MN1: variants seen among roughly 807,000 people sequenced by gnomAD.
MN1 encodes the protein MN1 proto-oncogene, transcriptional regulator.
A neutral mutation model predicts 86.9 loss-of-function variants in MN1; 19 were observed. The ratio of observed to expected loss-of-function variants is 0.22; its 90% confidence interval spans 0.15 to 0.32. MN1 has a LOEUF of 0.32. MN1 is among the 10% of genes least tolerant of loss of function. The pLI, the probability that MN1 is intolerant of heterozygous loss-of-function variation, is 1.00. For synonymous variants in MN1, 928 were observed against 849.6 expected, an observed-to-expected ratio of 1.09 and a Z score of -1.60; for missense variants, 1,841 against 1,862.0, an observed-to-expected ratio of 0.99 and a Z score of 0.21.
Position 27,797,978 on chromosome 22 carries a change from C to G in MN1, c.2566G>C (p.Gly856Arg). 6.3e-7 allele frequency: 1 copy of G among 1,592,570 alleles called. No homozygotes were observed. The highest frequency in any genetic ancestry group is 8.5e-7 in the Non-Finnish European group (1 of 1,170,934). Residue 856 changes from glycine to arginine, a missense_variant, in exon 1 of 2, where the codon GGC (glycine) becomes CGC (arginine). Gly to Arg is a moderately radical substitution (Grantham distance 125). Coordinates refer to ENST00000302326, the MANE Select transcript of MN1 (RefSeq NM_002430.3). ...VTFNKKNPPEGKRKLSQNETD... is the reference protein window; with the variant it reads ...VTFNKKNPPERKRKLSQNETD... The stretch of plus-strand genomic sequence containing the variant: ...TCGTTCTGGCTCAGTTTCCTCTTGC[C>G]CTCTGGCGGGTTCTTCTTGTTGAAG...
Position 27,776,658 on chromosome 22 carries a change from G to GT in MN1, c.3781+20104dup, listed in dbSNP as rs922457388. On this transcript the variant is annotated intron_variant, in intron 1 of 1. Coordinates refer to ENST00000302326, the MANE Select transcript of MN1 (RefSeq NM_002430.3). ...GGTTCTGGCCTCCCCACTTTTTGAG[G>GT]TTTTTTTTTTCCTCCCCTAGCCCCA... Among the ~76,000 whole-genome samples, 236 of 148,862 alleles carry GT rather than the reference G, an allele frequency of 1.6e-3. 1 individual carries two copies. The highest frequency in any genetic ancestry group is 4.7e-3 in the African/African-American group (190 of 40,654).
intron 1 of MN1, chr22:27,791,866 C>T (rs2146312406): frequency 6.6e-6 from 1 of 152,338 alleles, no homozygotes; most frequent in South Asian, 2.1e-4. Context: ...GATTCTGCTA[C>T]ATTTTCCAGC....
intron 1 of MN1, among the ~76,000 whole-genome samples, chr22:27,783,685 G>A (rs752880355): frequency 6.6e-6 from 1 of 152,052 alleles, no homozygotes; most frequent in South Asian, 2.1e-4. Context: ...TAGGGGAGGG[G>A]CACAAAAAAC....
intron 1 of MN1, among the ~76,000 whole-genome samples, chr22:27,773,465 T>C (rs1045683685): frequency 6.6e-6 from 1 of 152,186 alleles, no homozygotes; most frequent in African/African-American, 2.4e-5. Flanking sequence ...GCCCGAGTCA[T>C]GGGAGTGCAC....
Position 27,751,115 on chromosome 22 carries a change from G to T in MN1, c.3782-19C>A, listed in dbSNP as rs1025095538. On this transcript the variant is annotated intron_variant, in intron 1 of 1. Transcript: ENST00000302326. ...TCGTGGGCTGTGGAGAGAGAAGGAA[G>T]AGAGGACATTAGTGGCACACTCGTC... The T allele has an allele frequency of 1.3e-6, 2 of 1,538,056 alleles. No individual in the cohort carries two copies. The highest frequency in any genetic ancestry group is 1.8e-6 in the Non-Finnish European group (2 of 1,138,680).
chr22:27,790,669 A>G (rs1362674082), intron 1 of MN1, among the ~76,000 whole-genome samples: 1 of 137,588 alleles, frequency 7.3e-6, no homozygotes, highest in Non-Finnish European at 1.6e-5. Context: ...TCCGCTTCCC[A>G]CAACTGGTGG....
rs1228039767 is a variant in MN1 at position 27,797,424 on chromosome 22, G to A, written c.3120C>T (p.Asn1040=). Reference sequence around the variant, plus strand: ...CCTCGTCCGAGGCGAACTCACCCACGTTTGGCGAACTACTGTCCGACTTGG... The same window carrying A: ...CCTCGTCCGAGGCGAACTCACCCACATTTGGCGAACTACTGTCCGACTTGG... ...GGAKSDSSSP[N]VGEFASDEVS... is the part of the protein sequence containing the mutation. The change falls in exon 1 of 2, where the codon AAC becomes AAT. Residue 1040 remains asparagine, a synonymous_variant. Coordinates refer to ENST00000302326, the MANE Select transcript of MN1 (RefSeq NM_002430.3). The A allele has an allele frequency of 2.5e-6, 4 of 1,610,772 alleles. No individual in the cohort carries two copies. The South Asian group carries it at 4.4e-5, about 18-fold the overall frequency.
chr22:27,762,602 C>T (rs535605558), intron 1 of MN1, among the ~76,000 whole-genome samples: 107 of 152,108 alleles, frequency 7.0e-4, no homozygotes, highest in Non-Finnish European at 1.2e-3. Context: ...GCCTTCTTGC[C>T]CAAGATTCAC....
At position 27,800,565 on chromosome 22, in the gene MN1, G is replaced by T. The variant is rs768848777; in HGVS notation, c.-22C>A. 15 of 1,613,432 alleles carry T rather than the reference G, an allele frequency of 9.3e-6. No individual in the cohort carries two copies. Among genetic ancestry groups the T allele is most frequent in the Non-Finnish European group, 1.3e-5 (15 of 1,180,000 alleles). ...ACATACTTGGCGGGGGGCAGAGGGGGATCAATAGGGCATGACAGCCGGCTC... is the reference window on the plus strand; with the variant it reads ...ACATACTTGGCGGGGGGCAGAGGGGTATCAATAGGGCATGACAGCCGGCTC... On this transcript the variant is annotated 5_prime_UTR_variant, in exon 1 of 2. Coordinates refer to ENST00000302326, the MANE Select transcript of MN1 (RefSeq NM_002430.3).
chr22:27,770,922 A>C (rs1568974551), intron 1 of MN1, among the ~76,000 whole-genome samples: 1 of 151,962 alleles, frequency 6.6e-6, no homozygotes, highest in Non-Finnish European at 1.5e-5. Flanking sequence ...AGCCTCCCAA[A>C]GTGCTGGGAT....
In MN1 at chr22:27,801,545, C is replaced by A; in HGVS notation, c.-1002G>T. On this transcript the variant is annotated 5_prime_UTR_variant, in exon 1 of 2. Transcript: ENST00000302326. Reference sequence around the variant, plus strand: ...CTCGGACCTGAGGGAGGGGGGCGTACGCGGGTCGGGGGGCCACGCCGGGCG... The same window carrying A: ...CTCGGACCTGAGGGAGGGGGGCGTAAGCGGGTCGGGGGGCCACGCCGGGCG... 6.5e-6 allele frequency: 1 copy of A among 153,574 alleles called. No homozygotes were observed. The highest frequency in any genetic ancestry group is 1.4e-5 in the Non-Finnish European group (1 of 72,486). The allele number at this position is 153,574 out of a possible 1,614,324, so 9.5% of individuals were successfully genotyped here. A position where few individuals can be genotyped will look rare whatever the true frequency, so the allele number is the denominator to read the frequency against.
At chr22:27,763,454 T>G (rs1932847873) in intron 1 of MN1, among the ~76,000 whole-genome samples, 1 of 152,194 alleles carries the variant, frequency 6.6e-6, no homozygotes, top group African/African-American at 2.4e-5. Context: ...GGCCTGAGTT[T>G]GAAATCCATC....
In MN1 at chr22:27,750,289, G is replaced by A. The variant is rs41277851; in HGVS notation, c.*626C>T. On this transcript the variant is annotated 3_prime_UTR_variant, in exon 2 of 2. Coordinates refer to ENST00000302326, the MANE Select transcript of MN1 (RefSeq NM_002430.3). ...GAACAGACAAAACAAAATCCCAGGCGGAATACCTAAGAGGGGCATTCATTG... is the reference window on the plus strand; with the variant it reads ...GAACAGACAAAACAAAATCCCAGGCAGAATACCTAAGAGGGGCATTCATTG... The A allele has an allele frequency of 0.023, 5,053 of 223,760 alleles. 108 individuals carry two copies. Among genetic ancestry groups the A allele is most frequent in the Non-Finnish European group, 0.027 (3,191 of 116,494 alleles). 13.9% of individuals were successfully genotyped at this position (223,760 alleles called of 1,614,324 possible). A position where few individuals can be genotyped will look rare whatever the true frequency, so the allele number is the denominator to read the frequency against.
chr22:27,787,359 A>G (rs187301873), intron 1 of MN1, among the ~76,000 whole-genome samples: 1 of 152,364 alleles, frequency 6.6e-6, no homozygotes, highest in East Asian at 1.9e-4. Flanking sequence ...TTTTTAGTCA[A>G]TTAGGTCTCA....
At chr22:27,788,041 C>T (rs1933159400) in intron 1 of MN1, among the ~76,000 whole-genome samples, 1 of 152,194 alleles carries the variant, frequency 6.6e-6, no homozygotes, top group Non-Finnish European at 1.5e-5. Context: ...CGACACCAGC[C>T]GCCAAGTAAT....
intron 1 of MN1, among the ~76,000 whole-genome samples, chr22:27,754,973 C>G (rs1170407839): frequency 6.6e-6 from 1 of 152,206 alleles, no homozygotes; most frequent in African/African-American, 2.4e-5. Context: ...CACCCCCCGA[C>G]CCTGCACACA....
chr22:27,796,853 C>A lies in MN1; in HGVS notation c.3691G>T (p.Ala1231Ser). 2 of 1,612,916 alleles carry A rather than the reference C, an allele frequency of 1.2e-6. No individual in the cohort carries two copies. Among genetic ancestry groups the A allele is most frequent in the Non-Finnish European group, 1.7e-6 (2 of 1,180,002 alleles). The change falls in exon 1 of 2, where the codon GCT becomes TCT. Residue 1231 changes from alanine (A) to serine (S), a missense_variant. Physicochemically the swap from Ala to Ser is moderately conservative, Grantham distance 99. Coordinates refer to ENST00000302326, the MANE Select transcript of MN1 (RefSeq NM_002430.3). The part of the protein sequence containing the change: ...AEHSAAWYMP[A>S]DKALVDSADD... ...GCGCTGTCCACCAGGGCCTTGTCAG[C>A]GGGCATGTACCAGGCAGCGCTGTGC...
At chr22:27,782,672 A>G (rs1176317268) in intron 1 of MN1, among the ~76,000 whole-genome samples, 1 of 152,024 alleles carries the variant, frequency 6.6e-6, no homozygotes, top group African/African-American at 2.4e-5. Flanking sequence ...ATGAGGCGGG[A>G]ACTATTATTA....
chr22:27,769,552 A>ATTTTT lies in MN1; in HGVS notation c.3782-18461_3782-18457dup, dbSNP rs58248602. ...CGAAGCAATAATATCAAGGATGCCA[A>ATTTTT]TTTTTTTTTTTTTTTTTTGAGACAG... On this transcript the variant is annotated intron_variant, in intron 1 of 1. Coordinates refer to ENST00000302326, the MANE Select transcript of MN1 (RefSeq NM_002430.3). Among the ~76,000 whole-genome samples the ATTTTT allele has an allele frequency of 1.3e-4, 11 of 83,266 alleles. 1 individual carries two copies. The highest frequency in any genetic ancestry group is 8.5e-5 in the Non-Finnish European group (4 of 47,024). The allele number at this position is 83,266 out of a possible 152,430, so 54.6% of individuals were successfully genotyped here.
Sources: gnomAD v4.1 joint callset for allele counts (sites outside exome capture counted in the v4.1 genomes callset) on GRCh38, gnomAD v4.1.1 for gene constraint, MANE v1.5 for transcripts, NCBI Gene and HGNC (gene_info 2026-07-23, HGNC 2026-07-21) for gene names.